Variants in FBXW8 observed in about 807,000 individuals in gnomAD.
FBXW8 encodes F-box/WD repeat-containing protein 8.
FBXW8 carries 57 observed loss-of-function variants against 65.3 expected under a neutral mutation model. The observed-to-expected ratio is 0.87, with a 90% CI of 0.71 to 1.09. FBXW8 has a LOEUF of 1.09. FBXW8 is among the 50% of genes least tolerant of loss of function. The probability of loss-of-function intolerance (pLI) is 0.00; values close to 1 mark genes in which losing one functional copy is unlikely to be tolerated. For synonymous variants in FBXW8, 308 were observed against 330.2 expected (o/e 0.93, Z 0.73); for missense variants, 777 against 814.8 (o/e 0.95, Z 0.57).
intron 10 of FBXW8, 23 bp downstream of exon 10, chr12:117,027,527 T>A: frequency 6.3e-7 from 1 of 1,580,990 alleles, no homozygotes; most frequent in Non-Finnish European, 8.7e-7. Flanking sequence ...GCCGGGCGAG[T>A]AAGAGACCAT....
intron 7 of FBXW8, among the ~76,000 whole-genome samples, chr12:116,998,641 G>A (rs984951279): frequency 2.0e-5 from 3 of 152,216 alleles, no homozygotes; most frequent in African/African-American, 7.2e-5. Flanking sequence ...CACTGCCCAG[G>A]CATTGTTAGT....
At chr12:117,026,680 G>A (rs1171037767) in intron 9 of FBXW8, among the ~76,000 whole-genome samples, 2 of 152,134 alleles carry the variant, frequency 1.3e-5, no homozygotes, top group Non-Finnish European at 2.9e-5. Flanking sequence ...TTGTAACATC[G>A]CTCGTGCTAC....
intron 3 of FBXW8, among the ~76,000 whole-genome samples, chr12:116,947,586 G>A (rs958489893): frequency 6.6e-6 from 1 of 151,492 alleles, no homozygotes; most frequent in East Asian, 1.9e-4. Flanking sequence ...CTAAAAATAC[G>A]AAAATTAGCC....
chr12:117,009,094 G>A (rs534891158), intron 7 of FBXW8, among the ~76,000 whole-genome samples: 4 of 151,994 alleles, frequency 2.6e-5, no homozygotes, highest in African/African-American at 9.7e-5. Flanking sequence ...ACCTTTGGCT[G>A]GGTGCAGTGG....
intron 8 of FBXW8, among the ~76,000 whole-genome samples, chr12:117,021,412 TCCC>T (rs1012437061): frequency 3.5e-4 from 54 of 152,230 alleles, no homozygotes; most frequent in African/African-American, 1.3e-3. Flanking sequence ...TTCTGATTGT[TCCC>T]CCCAATAGGA....
At chr12:116,957,011 C>T (rs1883688317) in intron 4 of FBXW8, among the ~76,000 whole-genome samples, 1 of 151,902 alleles carries the variant, frequency 6.6e-6, no homozygotes, top group Admixed American at 6.6e-5. Flanking sequence ...AAATACCTTG[C>T]TTTTAGCTAT....
intron 8 of FBXW8, 67 bp downstream of exon 8, chr12:117,010,517 GC>G: frequency 6.2e-7 from 1 of 1,605,898 alleles, no homozygotes; most frequent in Non-Finnish European, 8.5e-7. Context: ...CCCCCACTGC[GC>G]TGCTCACACT....
chr12:117,014,421 G>A (rs1178984476), intron 8 of FBXW8, among the ~76,000 whole-genome samples: 3 of 152,120 alleles, frequency 2.0e-5, no homozygotes, highest in Non-Finnish European at 2.9e-5. Flanking sequence ...CTTATCTTAG[G>A]GTTGACATCT....
At chr12:116,944,176 T>C (rs1322526126) in intron 2 of FBXW8, among the ~76,000 whole-genome samples, 1 of 152,218 alleles carries the variant, frequency 6.6e-6, no homozygotes, top group East Asian at 1.9e-4. Flanking sequence ...TACTGAGATT[T>C]AGCCACTTTT....
At chr12:117,009,516 T>C (rs936416369) in intron 7 of FBXW8, among the ~76,000 whole-genome samples, 13 of 152,214 alleles carry the variant, frequency 8.5e-5, no homozygotes, top group Admixed American at 6.5e-5. Context: ...ATGAGGAGCC[T>C]TCTGAATGTG....
intron 2 of FBXW8, among the ~76,000 whole-genome samples, chr12:116,932,162 C>T (rs926923729): frequency 1.3e-5 from 2 of 152,034 alleles, no homozygotes; most frequent in Non-Finnish European, 2.9e-5. Flanking sequence ...GTTGATTTTT[C>T]GTAAGTTAAA....
intron 7 of FBXW8, among the ~76,000 whole-genome samples, chr12:117,001,280 G>C (rs1425548243): frequency 2.0e-5 from 3 of 152,182 alleles, no homozygotes; most frequent in Non-Finnish European, 2.9e-5. Flanking sequence ...CAAAGGCCCT[G>C]ATTATTCGCT....
intron 5 of FBXW8, among the ~76,000 whole-genome samples, chr12:116,968,500 A>G (rs571868849): frequency 1.3e-5 from 2 of 152,308 alleles, no homozygotes; most frequent in Admixed American, 1.3e-4. Flanking sequence ...CTGAATGGTA[A>G]TTCCATTGTG....
chr12:117,009,475 C>A, intron 7 of FBXW8, among the ~76,000 whole-genome samples: 1 of 152,126 alleles, frequency 6.6e-6, no homozygotes, highest in East Asian at 1.9e-4. Context: ...AGAAAGTATG[C>A]TCAGAACTTG....
intron 7 of FBXW8, among the ~76,000 whole-genome samples, chr12:116,997,015 A>G (rs1592939819): frequency 6.6e-6 from 1 of 152,232 alleles, no homozygotes; most frequent in Non-Finnish European, 1.5e-5. Context: ...ATGTAGATAA[A>G]TAAATGAGGA....
rs1297710493 is a variant in FBXW8, at chr12:116,938,462, T to C, written c.424-6902T>C. ...ATGATGCACCACAACATCAATTTTT[T>C]GGTCTCAGTTTTTCATCCTGTAACC... is the stretch of plus-strand genomic sequence containing the variant. On this transcript the variant is annotated intron_variant, in intron 2 of 10. Coordinates refer to ENST00000652555, the MANE Select transcript of FBXW8 (RefSeq NM_153348.3). Among the ~76,000 whole-genome samples, 4 of 152,220 alleles carry C rather than the reference T, an allele frequency of 2.6e-5. No homozygotes were observed. The East Asian group carries it at 7.7e-4, about 29-fold the overall frequency.
At position 117,028,229 on chromosome 12, in the gene FBXW8, T is replaced by C. The variant is rs946372240; in HGVS notation, c.*57T>C. On this transcript the variant is annotated 3_prime_UTR_variant, in exon 11 of 11. Coordinates refer to ENST00000652555, the MANE Select transcript of FBXW8 (RefSeq NM_153348.3). The surrounding 1 kb of genome is among the most constrained non-coding windows in gnomAD (Gnocchi z 4.1). Reference sequence around the variant, plus strand: ...ATGGGAAGAACCAGTTTTATCCATCTTAAAACGCCAGGCACCTCTTCACAG... The same window carrying C: ...ATGGGAAGAACCAGTTTTATCCATCCTAAAACGCCAGGCACCTCTTCACAG... The C allele has an allele frequency of 3.1e-6, 5 of 1,597,368 alleles. No homozygotes were observed. In the Admixed American group the frequency reaches 8.4e-5, roughly 27 times the overall value.
chr12:116,917,595 A>G (rs1880531847), intron 1 of FBXW8, among the ~76,000 whole-genome samples: 1 of 152,260 alleles, frequency 6.6e-6, no homozygotes, highest in African/African-American at 2.4e-5. Flanking sequence ...GTTAGCAATC[A>G]AAAGTGAAGT....
Position 116,988,708 on chromosome 12 carries a change from G to T in FBXW8, c.1078G>T (p.Ala360Ser). The change falls in exon 7 of 11, where the codon GCA (alanine) becomes TCA (serine). Residue 360 changes from alanine to serine, a missense_variant. Physicochemically the swap from Ala to Ser is moderately conservative, Grantham distance 99 (BLOSUM62 1). Coordinates refer to ENST00000652555, the MANE Select transcript of FBXW8 (RefSeq NM_153348.3). ...TCCAGAAACCAGAAGGTACCCTGTG[G>T]CAGTAGCCGCTGCTGGAGATCTGAT... ...IVPETRRYPV[A>S]VAAAGDLMYL... 1 of 1,614,092 alleles carries T rather than the reference G, an allele frequency of 6.2e-7. No homozygotes were observed. The highest frequency in any genetic ancestry group is 1.1e-5 in the South Asian group (1 of 91,070).
Sources: allele counts gnomAD v4.1 joint callset (sites outside exome capture counted in the v4.1 genomes callset), GRCh38; gene constraint gnomAD v4.1.1; non-coding constraint Gnocchi (gnomAD v3.1); transcripts MANE v1.5; gene names NCBI Gene and HGNC (gene_info 2026-07-23, HGNC 2026-07-21).